HCRTR2: variants seen among roughly 807,000 people sequenced by gnomAD.
HCRTR2 encodes the protein orexin receptor type 2.
A neutral mutation model predicts 49.0 loss-of-function variants in HCRTR2; 22 were observed. That is an observed-to-expected ratio of 0.45 (90% CI 0.32 to 0.64). HCRTR2 has a LOEUF of 0.64. Among genes scored for constraint, HCRTR2 ranks in the 30% least tolerant of loss-of-function variants. The pLI is 0.04. For missense variants in HCRTR2, 491 were observed against 559.4 expected, an observed-to-expected ratio of 0.88 and a Z score of 1.23; for synonymous variants, 236 against 205.3, an observed-to-expected ratio of 1.15 and a Z score of -1.28.
At chr6:55,217,618 T>TCAAA (rs1007470726) in intron 1 of HCRTR2, among the ~76,000 whole-genome samples, 5 of 152,174 alleles carry the variant, frequency 3.3e-5, no homozygotes, top group African/African-American at 9.7e-5. Flanking sequence ...GATACCTTGT[T>TCAAA]CCCCCTTTCT....
At chr6:55,181,135 A>T (rs1765126937) in intron 1 of HCRTR2, among the ~76,000 whole-genome samples, 1 of 144,658 alleles carries the variant, frequency 6.9e-6, no homozygotes. Flanking sequence ...ATCACCGGAC[A>T]GTGTTCCTGG....
At chr6:55,189,348 T>G (rs562355383) in intron 1 of HCRTR2, among the ~76,000 whole-genome samples, 1 of 152,154 alleles carries the variant, frequency 6.6e-6, no homozygotes, top group East Asian at 1.9e-4. Flanking sequence ...GGGCAGTTGT[T>G]GTGAGAATGA....
chr6:55,171,485 A>C (rs1414018206), upstream of HCRTR2, among the ~76,000 whole-genome samples: 3 of 152,228 alleles, frequency 2.0e-5, no homozygotes, highest in Non-Finnish European at 4.4e-5. Flanking sequence ...AAAAGATATC[A>C]AAAGATCTAA....
intron 1 of HCRTR2, among the ~76,000 whole-genome samples, chr6:55,136,541 C>T (rs974257437): frequency 3.3e-5 from 5 of 152,212 alleles, no homozygotes; most frequent in Admixed American, 1.3e-4. Flanking sequence ...AATAACTCTG[C>T]GTACACTGTG....
At position 55,208,293 on chromosome 6, in the gene HCRTR2, C is replaced by T. The variant is rs1340774146; in HGVS notation, c.223+33483C>T. On this transcript the variant is annotated intron_variant, in intron 1 of 6. Transcript: ENST00000370862. ...AGTTTCAGACCAGCCTGGCCCAACA[C>T]GGTGAAAAACAGTCTCTACGAAAAA... Among the ~76,000 whole-genome samples the T allele has an allele frequency of 8.3e-5, 12 of 144,070 alleles. No individual in the cohort carries two copies. The East Asian group carries it at 1.9e-3, about 22-fold the overall frequency. The allele number at this position is 144,070 out of a possible 152,430, so 94.5% of individuals were successfully genotyped here.
intron 1 of HCRTR2, among the ~76,000 whole-genome samples, chr6:55,245,402 C>T (rs1424860608): frequency 3.5e-5 from 5 of 143,000 alleles, no homozygotes; most frequent in Non-Finnish European, 7.6e-5. Flanking sequence ...TATATATACA[C>T]ACACACACAC....
At chr6:55,116,518 G>T (rs559760671) in intron 1 of HCRTR2, among the ~76,000 whole-genome samples, 1 of 151,112 alleles carries the variant, frequency 6.6e-6, no homozygotes, top group African/African-American at 2.4e-5. Context: ...AAAGGAAAGA[G>T]GGAAGAAGGG....
chr6:55,252,116 A>C (rs1332437413), intron 2 of HCRTR2, among the ~76,000 whole-genome samples: 1 of 152,140 alleles, frequency 6.6e-6, no homozygotes, highest in East Asian at 1.9e-4. Context: ...TTGCACAAGC[A>C]AATATAGTAG....
intron 1 of HCRTR2, among the ~76,000 whole-genome samples, chr6:55,117,613 A>G (rs115496541): frequency 2.9e-4 from 44 of 151,640 alleles, no homozygotes; most frequent in African/African-American, 1.0e-3. Flanking sequence ...ATTATTAACT[A>G]TAATCACCCT....
At chr6:55,108,876 C>T (rs555743184) in intron 1 of HCRTR2, among the ~76,000 whole-genome samples, 17 of 152,194 alleles carry the variant, frequency 1.1e-4, no homozygotes, top group Admixed American at 1.1e-3. Flanking sequence ...GGGGCGAAGC[C>T]TGAAATCCTG....
chr6:55,248,866 C>T (rs9396073), intron 2 of HCRTR2, 49 bp downstream of exon 2: 332,605 of 1,486,826 alleles, frequency 0.22, 38,650 homozygotes, highest in Middle Eastern at 0.26. Context: ...AATGTTCAGC[C>T]ATAGCGATGG....
intron 3 of HCRTR2, among the ~76,000 whole-genome samples, chr6:55,261,118 C>A (rs1381974997): frequency 1.1e-4 from 17 of 152,164 alleles, no homozygotes; most frequent in Admixed American, 1.1e-3. Flanking sequence ...TCTATGGAAT[C>A]TATGCAAGAT....
At chr6:55,129,605 T>C (rs1764326897) in intron 1 of HCRTR2, among the ~76,000 whole-genome samples, 1 of 152,082 alleles carries the variant, frequency 6.6e-6, no homozygotes, top group Non-Finnish European at 1.5e-5. Flanking sequence ...ACATACACAA[T>C]ATCATGTTCC....
chr6:55,219,448 A>G (rs141688290), intron 1 of HCRTR2, among the ~76,000 whole-genome samples: 2 of 152,354 alleles, frequency 1.3e-5, no homozygotes, highest in East Asian at 1.9e-4. Context: ...TGAACAGTCC[A>G]TGGGTCAAAG....
chr6:55,174,363 C>T (rs1443679369), upstream of HCRTR2: 1 of 568,688 alleles, frequency 1.8e-6, no homozygotes, highest in South Asian at 1.9e-5. Context: ...TCCTCAGCTG[C>T]CTATCTTCCC....
intron 3 of HCRTR2, among the ~76,000 whole-genome samples, chr6:55,257,739 CAATT>C (rs1766680184): frequency 6.6e-6 from 1 of 151,160 alleles, no homozygotes; most frequent in Non-Finnish European, 1.5e-5. Context: ...AAAAAGGAAA[CAATT>C]GTTGAATATG....
At chr6:55,135,729 A>G (rs1035045024) in intron 1 of HCRTR2, among the ~76,000 whole-genome samples, 1 of 152,158 alleles carries the variant, frequency 6.6e-6, no homozygotes, top group Non-Finnish European at 1.5e-5. Flanking sequence ...TACCCATGTT[A>G]TAGATGAGAA....
chr6:55,228,562 A>G (rs1211664720), intron 1 of HCRTR2, among the ~76,000 whole-genome samples: 4 of 152,160 alleles, frequency 2.6e-5, no homozygotes, highest in Non-Finnish European at 5.9e-5. Context: ...TAATAATGTC[A>G]GTAGACATTC....
intron 1 of HCRTR2, among the ~76,000 whole-genome samples, chr6:55,213,421 G>A (rs1384367534): frequency 6.6e-6 from 1 of 152,098 alleles, no homozygotes; most frequent in Non-Finnish European, 1.5e-5. Flanking sequence ...TTGCTGGGGA[G>A]TGACATCAGC....
Sources: allele counts gnomAD v4.1 joint callset (sites outside exome capture counted in the v4.1 genomes callset), GRCh38; gene constraint gnomAD v4.1.1; transcripts MANE v1.5; gene names NCBI Gene and HGNC (gene_info 2026-07-23, HGNC 2026-07-21).